Variants in BMPER observed in about 807,000 individuals in gnomAD.
BMPER encodes BMP binding endothelial regulator.
BMPER carries 45 observed loss-of-function variants against 87.3 expected under a neutral mutation model. The ratio of observed to expected loss-of-function variants is 0.52; its 90% CI spans 0.41 to 0.66. BMPER has a LOEUF of 0.66. Ranked by LOEUF, BMPER falls within the 30% of genes least tolerant of loss-of-function variation. The pLI, the probability that BMPER is intolerant of heterozygous loss-of-function variation, is 0.00. For synonymous variants in BMPER, 326 were observed against 316.2 expected (o/e 1.03, Z -0.33); for missense variants, 784 against 867.5 (o/e 0.90, Z 1.21).
chr7:34,034,642 T>C (rs902668814), intron 6 of BMPER, among the ~76,000 whole-genome samples: 1 of 152,206 alleles, frequency 6.6e-6, no homozygotes, highest in Non-Finnish European at 1.5e-5. Flanking sequence ...TCTACTCAAT[T>C]ATAGGACACC....
chr7:33,909,101 A>G (rs1260737586), intron 2 of BMPER, among the ~76,000 whole-genome samples: 1 of 152,110 alleles, frequency 6.6e-6, no homozygotes, highest in Non-Finnish European at 1.5e-5. Context: ...TTTTTATTTT[A>G]TTTTATTTTT....
chr7:34,059,126 T>A (rs1251014941), intron 10 of BMPER, among the ~76,000 whole-genome samples: 1 of 152,142 alleles, frequency 6.6e-6, no homozygotes, highest in Non-Finnish European at 1.5e-5. Context: ...ATAAGTAGAC[T>A]TGAACATGGT....
intron 3 of BMPER, among the ~76,000 whole-genome samples, chr7:33,958,788 G>T (rs908282618): frequency 6.6e-6 from 1 of 152,164 alleles, no homozygotes; most frequent in African/African-American, 2.4e-5. Context: ...CTACCTTTGG[G>T]TTATGAGGTC....
chr7:34,091,929 G>A lies in BMPER; in HGVS notation c.1745+5837G>A, dbSNP rs1789395307. Among the ~76,000 whole-genome samples the A allele has an allele frequency of 2.0e-5, 3 of 152,086 alleles. No homozygotes were observed. In the South Asian group the frequency reaches 6.2e-4, roughly 32 times the overall value. ...TGTTGCACTGCTTCTTATTTCTTCA[G>A]CATTGGATTTTAAGTTCTCTGGGGA... On this transcript the variant is annotated intron_variant, in intron 13 of 14. Coordinates refer to ENST00000649409, the MANE Select transcript of BMPER (RefSeq NM_001365308.1).
At chr7:34,072,298 C>G (rs1788755615) in intron 11 of BMPER, among the ~76,000 whole-genome samples, 1 of 152,120 alleles carries the variant, frequency 6.6e-6, no homozygotes. Context: ...TGACAAATTA[C>G]CACTCACTGG....
intron 6 of BMPER, among the ~76,000 whole-genome samples, chr7:34,037,908 C>T (rs1787725160): frequency 6.6e-6 from 1 of 152,194 alleles, no homozygotes; most frequent in South Asian, 2.1e-4. Context: ...TTAAATCGAG[C>T]TTCTTGGCTA....
At chr7:34,052,085 C>T in intron 8 of BMPER, 115 bp downstream of exon 8, 1 of 959,636 alleles carries the variant, frequency 1.0e-6, no homozygotes, top group South Asian at 1.3e-5. Flanking sequence ...GAAGCATTAA[C>T]AATGCCATTT....
chr7:34,091,904 T>C (rs1431811187), intron 13 of BMPER, among the ~76,000 whole-genome samples: 1 of 152,252 alleles, frequency 6.6e-6, no homozygotes, highest in Non-Finnish European at 1.5e-5. Context: ...TCATGTTCTA[T>C]GTTGCACTGC....
chr7:33,959,982 GTTTA>G (rs1260605413), intron 3 of BMPER, among the ~76,000 whole-genome samples: 1 of 152,040 alleles, frequency 6.6e-6, no homozygotes, highest in African/African-American at 2.4e-5. Context: ...CATATTTGGG[GTTTA>G]TTCATTAAAT....
intron 11 of BMPER, among the ~76,000 whole-genome samples, chr7:34,062,360 C>A (rs181288125): frequency 3.3e-5 from 5 of 152,112 alleles, no homozygotes; most frequent in Middle Eastern, 3.2e-3. Context: ...TTGTAGTCAT[C>A]GCGGTTAAGA....
Position 34,047,787 on chromosome 7 carries a change from T to TTTCCTTCCTTCCTTCCTTCCTTCC in BMPER, c.676+1404_676+1405insCCTTCCTTCCTTCCTTCCTTCCTT, listed in dbSNP as rs776382522. ...GCTCCTGCTATTTCTCTTGATTTTCTTTCCTTCCTTCCTTCCTTCCTTTCT... is the reference window on the plus strand; with the variant it reads ...GCTCCTGCTATTTCTCTTGATTTTCTTTCCTTCCTTCCTTCCTTCCTTCCTTCCTTCCTTCCTTCCTTCCTTTCT... On this transcript the variant is annotated intron_variant, in intron 7 of 14. Coordinates refer to ENST00000649409, the MANE Select transcript of BMPER (RefSeq NM_001365308.1). 4.1e-3 allele frequency among the ~76,000 whole-genome samples: 5 copies of TTTCCTTCCTTCCTTCCTTCCTTCC among 1,212 alleles called. 2 individuals carry two copies. Among genetic ancestry groups the TTTCCTTCCTTCCTTCCTTCCTTCC allele is most frequent in the Non-Finnish European group, 8.4e-3 (4 of 478 alleles). 0.8% of individuals were successfully genotyped at this position (1,212 alleles called of 152,430 possible). A position where few individuals can be genotyped will look rare whatever the true frequency, so the allele number is the denominator to read the frequency against.
intron 3 of BMPER, among the ~76,000 whole-genome samples, chr7:33,964,840 T>C (rs757343680): frequency 3.9e-5 from 6 of 152,170 alleles, no homozygotes; most frequent in Non-Finnish European, 8.8e-5. Flanking sequence ...ATATATAACA[T>C]ATTCGGAAAC....
chr7:33,939,054 A>G (rs1223607106), intron 3 of BMPER, among the ~76,000 whole-genome samples: 1 of 152,016 alleles, frequency 6.6e-6, no homozygotes, highest in Non-Finnish European at 1.5e-5. Context: ...AAGACAAAAA[A>G]CGAGGACAAT....
At chr7:34,045,934 A>G (rs1787952134) in intron 6 of BMPER, among the ~76,000 whole-genome samples, 1 of 152,218 alleles carries the variant, frequency 6.6e-6, no homozygotes, top group Admixed American at 6.5e-5. Flanking sequence ...TGGTCCACTC[A>G]TCCTGGTTTG....
intron 2 of BMPER, among the ~76,000 whole-genome samples, chr7:33,918,028 A>G (rs993236998): frequency 2.0e-5 from 3 of 152,090 alleles, no homozygotes; most frequent in Non-Finnish European, 2.9e-5. Context: ...TTTTTTGTAG[A>G]GACAGGGTCT....
At chr7:34,048,909 G>T (rs932881110) in intron 7 of BMPER, among the ~76,000 whole-genome samples, 2 of 152,132 alleles carry the variant, frequency 1.3e-5, no homozygotes, top group Admixed American at 6.5e-5. Context: ...TGGGATTAAG[G>T]TTAAGATTTT....
At chr7:33,933,461 T>C (rs1430733129) in intron 2 of BMPER, among the ~76,000 whole-genome samples, 4 of 149,566 alleles carry the variant, frequency 2.7e-5, no homozygotes, top group African/African-American at 1.0e-4. Flanking sequence ...TTTTTTTTTT[T>C]AGAGTATTCT....
chr7:33,916,679 C>G (rs1784093265), intron 2 of BMPER, among the ~76,000 whole-genome samples: 1 of 152,166 alleles, frequency 6.6e-6, no homozygotes, highest in East Asian at 1.9e-4. Flanking sequence ...GCATGTTCTG[C>G]CTTGTAGTGT....
chr7:34,115,322 A>G (rs1277702187), intron 13 of BMPER, among the ~76,000 whole-genome samples: 1 of 152,244 alleles, frequency 6.6e-6, no homozygotes, highest in East Asian at 1.9e-4. Context: ...AAAACTAAAA[A>G]ACACTAGTGT....
Sources: gnomAD v4.1 joint callset for allele counts (sites outside exome capture counted in the v4.1 genomes callset) on GRCh38, gnomAD v4.1.1 for gene constraint, MANE v1.5 for transcripts, NCBI Gene and HGNC (gene_info 2026-07-23, HGNC 2026-07-21) for gene names.